SVEP1: variants seen among roughly 807,000 people sequenced by gnomAD.
SVEP1 encodes the protein sushi, von Willebrand factor type A, EGF and pentraxin domain-containing protein 1.
In SVEP1, 164 loss-of-function variants were observed where a neutral mutation model predicts 367.3. The ratio of observed to expected loss-of-function variants is 0.45; its 90% CI spans 0.39 to 0.51. The LOEUF is 0.51. Ranked by LOEUF, SVEP1 falls within the 20% of genes least tolerant of loss-of-function variation. SVEP1 has a pLI of 0.00. For missense variants in SVEP1, 4,117 were observed against 4,425.3 expected, an observed-to-expected ratio of 0.93 and a Z score of 1.98; for synonymous variants, 1,666 against 1,611.6, an observed-to-expected ratio of 1.03 and a Z score of -0.81.
At chr9:110,568,033 A>G (rs778537272) in intron 1 of SVEP1, among the ~76,000 whole-genome samples, 3 of 152,228 alleles carry the variant, frequency 2.0e-5, no homozygotes, top group Non-Finnish European at 4.4e-5. Flanking sequence ...ACTGGCTCCC[A>G]GTGTTCCCTA....
rs71373993 is a variant in SVEP1, at chr9:110,375,465, TAAA to T, written c.10505-5_10505-3del. 0.062 allele frequency: 33,594 copies of T among 545,500 alleles called. 25 individuals are homozygous for T. Among genetic ancestry groups the T allele is most frequent in the East Asian group, 0.12 (3,113 of 25,070 alleles). The allele number at this position is 545,500 out of a possible 1,614,324, so 33.8% of individuals were successfully genotyped here. ...TCAGACAGGGAAGAATGCAGATTGC[TAAA>T]AAAAAAAAAAAAAAAAAAAAAAGGA... On this transcript the variant is annotated splice_region_variant and splice_polypyrimidine_tract_variant and intron_variant, in intron 45 of 47. Coordinates refer to ENST00000374469, the MANE Select transcript of SVEP1 (RefSeq NM_153366.4).
In SVEP1 at chr9:110,390,160, T is replaced by TACTTATATAAGTATGTATGTATATATAC. The variant is rs1401194145; in HGVS notation, c.9823-601_9823-574dup. On this transcript the variant is annotated intron_variant, in intron 40 of 47. Transcript: ENST00000374469. ...GTATATATACAAGTATATACATACA[T>TACTTATATAAGTATGTATGTATATATAC]ACTTATATAAGTATGTATGTATATA... Among the ~76,000 whole-genome samples the TACTTATATAAGTATGTATGTATATATAC allele has an allele frequency of 1.3e-3, 150 of 115,996 alleles. 5 individuals are homozygous for TACTTATATAAGTATGTATGTATATATAC. Among genetic ancestry groups the TACTTATATAAGTATGTATGTATATATAC allele is most frequent in the Non-Finnish European group, 4.9e-4 (28 of 57,634 alleles). 76.1% of individuals were successfully genotyped at this position (115,996 alleles called of 152,430 possible).
At chr9:110,574,726 T>TGA (rs1209088015) in intron 1 of SVEP1, among the ~76,000 whole-genome samples, 1 of 150,842 alleles carries the variant, frequency 6.6e-6, no homozygotes, top group Non-Finnish European at 1.5e-5. Context: ...AGACAGGGAC[T>TGA]GAGTCCAGTC....
At chr9:110,386,212 A>T in intron 42 of SVEP1, 138 bp from the exon 43 acceptor site, 2 of 839,190 alleles carry the variant, frequency 2.4e-6, no homozygotes, top group Non-Finnish European at 3.4e-6. Flanking sequence ...GGAACTCCAA[A>T]CATTAGACAC....
Position 110,446,831 on chromosome 9 carries a change from A to G in SVEP1, c.4261+69T>C, listed in dbSNP as rs551493946. ...CTACGGACACTGCTTGGTGCAGGCA[A>G]AATTGGTATTATTGTTATTATATTA... On this transcript the variant is annotated intron_variant, in intron 25 of 47. Transcript: ENST00000374469. The G allele has an allele frequency of 6.6e-6, 9 of 1,365,714 alleles. No homozygotes were observed. In the South Asian group the frequency reaches 9.8e-5, roughly 15 times the overall value. The allele number at this position is 1,365,714 out of a possible 1,614,324, so 84.6% of individuals were successfully genotyped here. A position where few individuals can be genotyped will look rare whatever the true frequency, so the allele number is the denominator to read the frequency against.
chr9:110,425,691 G>A (rs532997807), intron 36 of SVEP1, among the ~76,000 whole-genome samples: 2 of 152,146 alleles, frequency 1.3e-5, no homozygotes, highest in South Asian at 2.1e-4. Context: ...TTAGATAAAC[G>A]TTAGGCAGAC....
chr9:110,380,508 A>G (rs1827418315), intron 43 of SVEP1, among the ~76,000 whole-genome samples: 2 of 152,232 alleles, frequency 1.3e-5, no homozygotes, highest in African/African-American at 4.8e-5. Flanking sequence ...TGATTTGCAT[A>G]TGTTAAACCA....
intron 8 of SVEP1, among the ~76,000 whole-genome samples, chr9:110,495,348 A>G (rs1297931639): frequency 6.6e-6 from 1 of 152,246 alleles, no homozygotes; most frequent in African/African-American, 2.4e-5. Flanking sequence ...TAAAATTAGG[A>G]GATTCTCCTG....
Position 110,471,446 on chromosome 9 carries a change from A to C in SVEP1, c.2916T>G (p.Leu972=). The change falls in exon 16 of 48, where the codon CTT becomes CTG. Residue 972 remains leucine (L), a synonymous_variant. Transcript: ENST00000374469. ...MYSFQLASEI[L]IADSNSLETK... ...TTTCTAATGAATTGCTGTCGGCTAT[A>C]AGTATTTCTGATGCAAGCTGAAAGG... is the stretch of plus-strand genomic sequence containing the variant. 6.2e-7 allele frequency: 1 copy of C among 1,613,940 alleles called. No homozygotes were observed. Among genetic ancestry groups the C allele is most frequent in the Non-Finnish European group, 8.5e-7 (1 of 1,179,878 alleles).
chr9:110,518,150 C>T (rs1564165593), intron 3 of SVEP1, among the ~76,000 whole-genome samples: 2 of 152,026 alleles, frequency 1.3e-5, no homozygotes, highest in Non-Finnish European at 2.9e-5. Context: ...AGGCCCAGCA[C>T]GGTGGCTCAC....
At chr9:110,497,187 C>A (rs889880483) in intron 7 of SVEP1, among the ~76,000 whole-genome samples, 18 of 152,210 alleles carry the variant, frequency 1.2e-4, no homozygotes, top group African/African-American at 4.1e-4. Context: ...AATTCACTCT[C>A]CACATTGAGT....
At chr9:110,486,169 G>A (rs1423775309) in intron 9 of SVEP1, among the ~76,000 whole-genome samples, 1 of 152,210 alleles carries the variant, frequency 6.6e-6, no homozygotes, top group African/African-American at 2.4e-5. Flanking sequence ...CTTTGAGAAT[G>A]CTGAATCAAG....
In SVEP1 at chr9:110,459,082, A is replaced by C. The variant is rs1427410931; in HGVS notation, c.3354T>G (p.Ser1118=). 1 of 1,613,768 alleles carries C rather than the reference A, an allele frequency of 6.2e-7. No homozygotes were observed. The highest frequency in any genetic ancestry group is 1.3e-5 in the African/African-American group (1 of 75,052). ...GACATGGGTGACAGGGCATTAACCC[A>C]GAACGCGAGAATTTTCCTTCTGGAC... ...VPCPEGKFSR[S]GLMPCHPCPR... Residue 1118 remains serine, a synonymous_variant, in exon 19 of 48, where the codon TCT becomes TCG. Coordinates refer to ENST00000374469, the MANE Select transcript of SVEP1 (RefSeq NM_153366.4).
chr9:110,544,395 TA>T (rs535136741), intron 3 of SVEP1, among the ~76,000 whole-genome samples: 15 of 147,836 alleles, frequency 1.0e-4, no homozygotes, highest in South Asian at 2.1e-4. Context: ...CTGCAAGCTA[TA>T]AAAAAAAAAG....
chr9:110,483,624 G>C lies in SVEP1; in HGVS notation c.2000C>G (p.Ala667Gly), dbSNP rs373770105. 8 of 1,612,684 alleles carry C rather than the reference G, an allele frequency of 5.0e-6. No homozygotes were observed. The highest frequency in any genetic ancestry group is 5.9e-6 in the Non-Finnish European group (7 of 1,179,304). Residue 667 changes from alanine (A) to glycine (G), a missense_variant, in exon 10 of 48, where the codon GCC (alanine) becomes GGC (glycine). Ala to Gly is a moderately conservative substitution (Grantham distance 60, BLOSUM62 0). This residue lies in a region of SVEP1 where 2,174 missense variants were observed against 2,494.3 expected (regional missense o/e 0.87). Transcript: ENST00000374469. ...GAACTGAGGCTCATCCCAGCTTGCG[G>C]CATGTACCTTCTCCGAGACCTGGAC... ...PPVQVSEKVH[A>G]ASWDEPQFSD...
intron 2 of SVEP1, among the ~76,000 whole-genome samples, chr9:110,547,022 G>A (rs896986968): frequency 3.3e-5 from 5 of 152,300 alleles, no homozygotes; most frequent in African/African-American, 1.2e-4. Context: ...GGTCCATGGG[G>A]CTCTAAGCCC....
At chr9:110,396,648 A>C (rs1827766149) in intron 40 of SVEP1, among the ~76,000 whole-genome samples, 1 of 142,242 alleles carries the variant, frequency 7.0e-6, no homozygotes, top group Non-Finnish European at 1.5e-5. Flanking sequence ...CACAATAAAA[A>C]ATGATAGAGG....
At chr9:110,500,321 G>C (rs1294794820) in intron 6 of SVEP1, among the ~76,000 whole-genome samples, 1 of 152,286 alleles carries the variant, frequency 6.6e-6, no homozygotes, top group East Asian at 1.9e-4. Flanking sequence ...GTGGGACTCA[G>C]TATCCTTTAT....
intron 43 of SVEP1, among the ~76,000 whole-genome samples, chr9:110,383,343 T>C (rs1040078996): frequency 6.6e-6 from 1 of 152,188 alleles, no homozygotes; most frequent in Non-Finnish European, 1.5e-5. Context: ...TGCTGTGGTT[T>C]GCTGGGGGTC....
Sources: gnomAD v4.1 joint callset for allele counts (sites outside exome capture counted in the v4.1 genomes callset) on GRCh38, gnomAD v4.1.1 for gene constraint, gnomAD v4.1.1 regional missense constraint, MANE v1.5 for transcripts, NCBI Gene and HGNC (gene_info 2026-07-23, HGNC 2026-07-21) for gene names.